CADM2: variants seen among roughly 807,000 people sequenced by gnomAD.
CADM2 encodes the protein immunoglobulin superfamily member 4D.
CADM2 carries 12 observed loss-of-function variants against 49.8 expected under a neutral mutation model. That is an observed-to-expected ratio of 0.24 (90% CI 0.15 to 0.39). The LOEUF is 0.39. CADM2 is among the 10% of genes least tolerant of loss of function. CADM2 has a pLI of 1.00. For missense variants in CADM2, 378 were observed against 492.3 expected, an observed-to-expected ratio of 0.77 and a Z score of 2.20; for synonymous variants, 214 against 175.4, an observed-to-expected ratio of 1.22 and a Z score of -1.74.
chr3:85,576,480 C>T (rs1457913871), intron 1 of CADM2, among the ~76,000 whole-genome samples: 1 of 152,026 alleles, frequency 6.6e-6, no homozygotes, highest in Non-Finnish European at 1.5e-5. Flanking sequence ...GCAGTGCTTC[C>T]CAAAGTCACC....
intron 6 of CADM2, among the ~76,000 whole-genome samples, chr3:85,932,213 C>G (rs1720690079): frequency 6.6e-6 from 1 of 151,826 alleles, no homozygotes; most frequent in East Asian, 1.9e-4. Flanking sequence ...AACAAAGAAA[C>G]GAGGTATCGG....
At chr3:85,531,636 C>T (rs888098580) in intron 1 of CADM2, among the ~76,000 whole-genome samples, 11 of 152,038 alleles carry the variant, frequency 7.2e-5, no homozygotes, top group African/African-American at 2.7e-4. Flanking sequence ...TTTTTGCCCT[C>T]TCCTCCTAAA....
At position 85,745,453 on chromosome 3, in the gene CADM2, A is replaced by G. The variant is rs550464527; in HGVS notation, c.88+18905A>G. On this transcript the variant is annotated intron_variant, in intron 2 of 9. Coordinates refer to ENST00000383699, the MANE Select transcript of CADM2 (RefSeq NM_001167675.2). ...GGGGGTAGACTTTGATTCTGACACA[A>G]CAAATAAATGGATCATGGAGAAAAT... Among the ~76,000 whole-genome samples, 7 of 152,236 alleles carry G rather than the reference A, an allele frequency of 4.6e-5. No individual in the cohort carries two copies. In the East Asian group the frequency reaches 9.7e-4, roughly 21 times the overall value.
chr3:85,347,490 C>CAT (rs1281859770), intron 1 of CADM2, among the ~76,000 whole-genome samples: 1 of 145,350 alleles, frequency 6.9e-6, no homozygotes, highest in Non-Finnish European at 1.5e-5. Flanking sequence ...GCTCAAATTT[C>CAT]ATATATATAT....
At chr3:85,468,823 C>T (rs767552533) in intron 1 of CADM2, among the ~76,000 whole-genome samples, 1 of 152,144 alleles carries the variant, frequency 6.6e-6, no homozygotes, top group Admixed American at 6.5e-5. Context: ...GATGTGCTAA[C>T]GAGCAGATCA....
intron 1 of CADM2, among the ~76,000 whole-genome samples, chr3:85,119,284 C>CAT (rs2038760867): frequency 1.3e-5 from 2 of 151,868 alleles, no homozygotes; most frequent in Non-Finnish European, 2.9e-5. Flanking sequence ...ACATGCGGAC[C>CAT]TATAGTACCA....
intron 1 of CADM2, among the ~76,000 whole-genome samples, chr3:85,119,082 C>G (rs999417098): frequency 6.6e-5 from 10 of 152,116 alleles, no homozygotes; most frequent in Admixed American, 4.6e-4. Flanking sequence ...AAAGAATCTC[C>G]TTATGCTCTA....
intron 1 of CADM2, among the ~76,000 whole-genome samples, chr3:85,625,579 A>G (rs2064102616): frequency 6.6e-6 from 1 of 152,058 alleles, no homozygotes. Context: ...GTTTAAATGC[A>G]CACCTCAGCG....
At chr3:84,989,951 C>T (rs2032790318) in intron 1 of CADM2, among the ~76,000 whole-genome samples, 1 of 151,646 alleles carries the variant, frequency 6.6e-6, no homozygotes, top group South Asian at 2.1e-4. Context: ...ATGAAAGAAA[C>T]TTATAACTTT....
At chr3:85,780,230 G>A (rs541121186) in intron 2 of CADM2, among the ~76,000 whole-genome samples, 4 of 152,050 alleles carry the variant, frequency 2.6e-5, no homozygotes, top group Non-Finnish European at 5.9e-5. Flanking sequence ...ATTCAAAAAG[G>A]GCTGTGCGTA....
At chr3:85,647,719 A>G (rs541412479) in intron 1 of CADM2, among the ~76,000 whole-genome samples, 42 of 151,922 alleles carry the variant, frequency 2.8e-4, no homozygotes, top group African/African-American at 9.4e-4. Context: ...TTATAAATGT[A>G]TTGATTGCTA....
rs1313443779 is a variant in CADM2 at position 86,074,359 on chromosome 3, T to C, written c.*7576T>C. 2 of 152,058 alleles carry C rather than the reference T, an allele frequency of 1.3e-5. No homozygotes were observed. Among genetic ancestry groups the C allele is most frequent in the African/African-American group, 4.8e-5 (2 of 41,464 alleles). The allele number at this position is 152,058 out of a possible 1,614,324, so 9.4% of individuals were successfully genotyped here. A position where few individuals can be genotyped will look rare whatever the true frequency, so the allele number is the denominator to read the frequency against. ...AAGCCAAAGGCTGTACAAGATTTAG[T>C]GTCATTGGGTCTCATATTTGTGTTA... is the stretch of plus-strand genomic sequence containing the variant. On this transcript the variant is annotated 3_prime_UTR_variant, in exon 10 of 10. Coordinates refer to ENST00000383699, the MANE Select transcript of CADM2 (RefSeq NM_001167675.2).
At chr3:85,982,882 T>C (rs1727648092) in intron 8 of CADM2, among the ~76,000 whole-genome samples, 1 of 151,752 alleles carries the variant, frequency 6.6e-6, no homozygotes, top group South Asian at 2.1e-4. Flanking sequence ...CATTTCTTTT[T>C]GGTTTACTTA....
At chr3:85,776,332 C>A (rs1041433088) in intron 2 of CADM2, among the ~76,000 whole-genome samples, 3 of 127,512 alleles carry the variant, frequency 2.4e-5, no homozygotes, top group Admixed American at 8.4e-5. Flanking sequence ...CACACAAACT[C>A]TCTTACACAC....
chr3:85,947,346 C>T (rs1168044284), intron 7 of CADM2, among the ~76,000 whole-genome samples: 7 of 151,116 alleles, frequency 4.6e-5, no homozygotes, highest in South Asian at 4.2e-4. Context: ...AGCAGTACTT[C>T]GATAATAAAG....
At chr3:84,996,124 G>A (rs557102443) in intron 1 of CADM2, among the ~76,000 whole-genome samples, 28 of 152,052 alleles carry the variant, frequency 1.8e-4, no homozygotes, top group African/African-American at 5.3e-4. Flanking sequence ...ATGAGTCCAG[G>A]GTTTCAGATG....
intron 1 of CADM2, among the ~76,000 whole-genome samples, chr3:85,014,677 G>C (rs1408141457): frequency 6.6e-6 from 1 of 152,120 alleles, no homozygotes; most frequent in African/African-American, 2.4e-5. Flanking sequence ...AGATTGCAGA[G>C]GCTATAGTCA....
chr3:85,321,056 T>C, intron 1 of CADM2, among the ~76,000 whole-genome samples: 1 of 134,292 alleles, frequency 7.4e-6, no homozygotes, highest in South Asian at 2.5e-4. Flanking sequence ...AAATAAAAAC[T>C]ATATTGTTTT....
intron 1 of CADM2, among the ~76,000 whole-genome samples, chr3:85,148,044 G>A (rs2107640765): frequency 6.6e-6 from 1 of 152,336 alleles, no homozygotes. Context: ...TTGTAAGTCA[G>A]ATATTGTAGT....
Sources: allele counts gnomAD v4.1 joint callset (sites outside exome capture counted in the v4.1 genomes callset), GRCh38; gene constraint gnomAD v4.1.1; transcripts MANE v1.5; gene names NCBI Gene and HGNC (gene_info 2026-07-23, HGNC 2026-07-21).